Variants in HECW1 observed in about 807,000 individuals in gnomAD.
The protein encoded by HECW1 is HECT, C2 and WW domain containing E3 ubiquitin protein ligase 1, also known as E3 ubiquitin-protein ligase HECW1.
A neutral mutation model predicts 182.3 loss-of-function variants in HECW1; 61 were observed. That is an observed-to-expected ratio of 0.33 (90% confidence interval 0.27 to 0.41). The LOEUF (loss-of-function observed/expected upper bound fraction) is 0.41. Among genes scored for constraint, HECW1 ranks in the 10% least tolerant of loss-of-function variants. HECW1 has a pLI of 1.00. For synonymous variants in HECW1, 859 were observed against 832.6 expected (o/e 1.03, Z -0.55); for missense variants, 1,739 against 2,108.9 (o/e 0.82, Z 3.44).
chr7:43,429,423 C>T (rs778709237), intron 8 of HECW1, among the ~76,000 whole-genome samples: 51 of 150,888 alleles, frequency 3.4e-4, no homozygotes, highest in Non-Finnish European at 5.6e-4. Flanking sequence ...AGTCAAACCA[C>T]ACACTACTGG....
intron 2 of HECW1, among the ~76,000 whole-genome samples, chr7:43,157,448 ATACT>A (rs535025205): frequency 1.5e-4 from 23 of 152,380 alleles, no homozygotes; most frequent in South Asian, 1.5e-3. Context: ...TAATATTCAG[ATACT>A]TACATGAAAA....
intron 3 of HECW1, among the ~76,000 whole-genome samples, chr7:43,266,092 C>T (rs1801759854): frequency 6.6e-6 from 1 of 152,122 alleles, no homozygotes; most frequent in African/African-American, 2.4e-5. Context: ...GATTAAATCA[C>T]TGGCCATTGA....
intron 5 of HECW1, among the ~76,000 whole-genome samples, chr7:43,328,809 ACACT>A (rs1811114657): frequency 6.6e-6 from 1 of 152,202 alleles, no homozygotes; most frequent in African/African-American, 2.4e-5. Flanking sequence ...TGAGAAGAAA[ACACT>A]CAATCGACAT....
At position 43,139,100 on chromosome 7, in the gene HECW1, TTTA is replaced by T. The variant is rs1173609541; in HGVS notation, c.-32+24714_-32+24716del. ...GTGTTCTTTTTGTTTCCATCTCCAT[TTTA>T]TTATGATATCTTCTTTATTCTTAAT... is the stretch of plus-strand genomic sequence containing the variant. On this transcript the variant is annotated intron_variant, in intron 2 of 29. Coordinates refer to ENST00000395891, the MANE Select transcript of HECW1 (RefSeq NM_015052.5). Among the ~76,000 whole-genome samples, 96 of 152,274 alleles carry T rather than the reference TTTA, an allele frequency of 6.3e-4. 1 individual carries two copies. The highest frequency in any genetic ancestry group is 2.1e-3 in the African/African-American group (87 of 41,552).
At chr7:43,476,047 C>G (rs1261947236) in intron 16 of HECW1, among the ~76,000 whole-genome samples, 1 of 151,926 alleles carries the variant, frequency 6.6e-6, no homozygotes, top group African/African-American at 2.4e-5. Context: ...GAAGTACTCA[C>G]CAATATTACA....
chr7:43,285,856 G>A (rs1157440443), intron 3 of HECW1, among the ~76,000 whole-genome samples: 2 of 152,152 alleles, frequency 1.3e-5, no homozygotes, highest in Non-Finnish European at 2.9e-5. Flanking sequence ...ATGACAGTGA[G>A]CTAGATAGCA....
chr7:43,547,523 G>GT lies in HECW1; in HGVS notation c.4249-2922_4249-2921insT, dbSNP rs1243214906. 2.0e-5 allele frequency among the ~76,000 whole-genome samples: 3 copies of GT among 151,910 alleles called. No homozygotes were observed. The East Asian group carries it at 5.8e-4, about 29-fold the overall frequency. The stretch of plus-strand genomic sequence containing the variant: ...GATTGCGCCACTGCACTCCAGCCTG[G>GT]CGACAGAGTGAGACTCTGGCTCAAA... On this transcript the variant is annotated intron_variant, in intron 26 of 29. Coordinates refer to ENST00000395891, the MANE Select transcript of HECW1 (RefSeq NM_015052.5).
At chr7:43,153,092 T>C (rs1247690684) in intron 2 of HECW1, among the ~76,000 whole-genome samples, 1 of 152,196 alleles carries the variant, frequency 6.6e-6, no homozygotes, top group African/African-American at 2.4e-5. Context: ...TCTAGAACTT[T>C]CTATGATTCT....
chr7:43,349,324 G>C (rs1319246335), intron 5 of HECW1, among the ~76,000 whole-genome samples: 1 of 152,142 alleles, frequency 6.6e-6, no homozygotes, highest in East Asian at 1.9e-4. Flanking sequence ...GTGAGCCACT[G>C]CACCCGGCCT....
chr7:43,249,533 C>A (rs1584173926), intron 3 of HECW1: 1 of 152,150 alleles, frequency 6.6e-6, no homozygotes, highest in South Asian at 2.1e-4. Flanking sequence ...TTTTTTCTCA[C>A]TTGTACATTA....
chr7:43,410,490 G>T (rs1047836023), intron 8 of HECW1, among the ~76,000 whole-genome samples: 1 of 152,132 alleles, frequency 6.6e-6, no homozygotes, highest in East Asian at 1.9e-4. Flanking sequence ...GAACTTGGGG[G>T]TTGGTGGTGG....
intron 2 of HECW1, among the ~76,000 whole-genome samples, chr7:43,199,062 C>T (rs1794799134): frequency 6.6e-6 from 1 of 152,224 alleles, no homozygotes; most frequent in Non-Finnish European, 1.5e-5. Context: ...AATATCCTGC[C>T]TCCACACGGA....
intron 2 of HECW1, among the ~76,000 whole-genome samples, chr7:43,217,741 C>A (rs978890934): frequency 3.9e-5 from 6 of 152,342 alleles, no homozygotes; most frequent in Middle Eastern, 3.4e-3. Flanking sequence ...CATGTCCTTA[C>A]ACAGCTCTTG....
In HECW1 at chr7:43,493,089, A is replaced by C. The variant is rs1296700876; in HGVS notation, c.3346A>C (p.Asn1116His). The C allele has an allele frequency of 1.2e-6, 2 of 1,611,176 alleles. No individual in the cohort carries two copies. Among genetic ancestry groups the C allele is most frequent in the Non-Finnish European group, 1.7e-6 (2 of 1,177,750 alleles). Residue 1116 changes from asparagine (N) to histidine (H), a missense_variant, in exon 19 of 30, where the codon AAT (asparagine) becomes CAT (histidine). Physicochemically the swap from Asn to His is moderately conservative, Grantham distance 68. This residue lies in a region of HECW1 where 971 missense variants were observed against 1,029.1 expected (regional missense o/e 0.94). Coordinates refer to ENST00000395891, the MANE Select transcript of HECW1 (RefSeq NM_015052.5). ...TGTGCTTTTGTCTGTTTCAGCATAT[A>C]ATGACAAGATTGTGGCATTTCTTCG... is the stretch of plus-strand genomic sequence containing the variant. ...HQHESLPLAY[N>H]DKIVAFLRQP...
At chr7:43,272,376 A>G (rs1033098856) in intron 3 of HECW1, among the ~76,000 whole-genome samples, 5 of 152,350 alleles carry the variant, frequency 3.3e-5, no homozygotes, top group Non-Finnish European at 7.3e-5. Context: ...AAAAGAAACT[A>G]TCAACAGAGT....
intron 14 of HECW1, among the ~76,000 whole-genome samples, chr7:43,465,554 C>T (rs147979680): frequency 1.7e-4 from 26 of 152,310 alleles, no homozygotes; most frequent in Non-Finnish European, 3.7e-4. Flanking sequence ...AGAACTGACC[C>T]GTTGTCACTT....
intron 12 of HECW1, among the ~76,000 whole-genome samples, chr7:43,453,943 A>G (rs2077317384): frequency 6.6e-6 from 1 of 152,244 alleles, no homozygotes; most frequent in Non-Finnish European, 1.5e-5. Context: ...ACATGTTCAT[A>G]ATTTCTGATT....
At position 43,565,821 on chromosome 7, in the gene HECW1, A is replaced by G. The variant is rs1233552177; in HGVS notation, c.*3895A>G. ...ACTTCCTGCAGCTTCCAATTTATCC[A>G]AGGAAATGTCTACAACAATTTTGTT... On this transcript the variant is annotated 3_prime_UTR_variant, in exon 30 of 30. Coordinates refer to ENST00000395891, the MANE Select transcript of HECW1 (RefSeq NM_015052.5). The G allele has an allele frequency of 5.3e-6, 1 of 186,930 alleles. No individual in the cohort carries two copies. The highest frequency in any genetic ancestry group is 8.6e-5 in the East Asian group (1 of 11,664). The allele number at this position is 186,930 out of a possible 1,614,324, so 11.6% of individuals were successfully genotyped here.
At chr7:43,293,232 AAAAAGAAAAG>A (rs1035516128) in intron 3 of HECW1, among the ~76,000 whole-genome samples, 1 of 151,046 alleles carries the variant, frequency 6.6e-6, no homozygotes, top group Non-Finnish European at 1.5e-5. Context: ...AAAAAAAAAA[AAAAAGAAAAG>A]AAAAGAAAAA....
Sources: gnomAD v4.1 joint callset for allele counts (sites outside exome capture counted in the v4.1 genomes callset) on GRCh38, gnomAD v4.1.1 for gene constraint, gnomAD v4.1.1 regional missense constraint, MANE v1.5 for transcripts, NCBI Gene and HGNC (gene_info 2026-07-23, HGNC 2026-07-21) for gene names.